The following COL28A1 variants were observed in gnomAD, a reference collection of about 807,000 sequenced individuals.
The protein encoded by COL28A1 is collagen alpha-1(XXVIII) chain.
Under a neutral mutation model 150.2 loss-of-function variants are expected in COL28A1, and 161 were observed. The ratio of observed to expected loss-of-function variants is 1.07; its 90% CI spans 0.94 to 1.22. The LOEUF (loss-of-function observed/expected upper bound fraction) is 1.22, where lower values mean the gene tolerates loss of function less well. COL28A1 is among the 50% of genes most tolerant of loss of function. The pLI is 0.00. For synonymous variants in COL28A1, 552 were observed against 469.7 expected (o/e 1.18, Z -2.26); for missense variants, 1,617 against 1,388.3 (o/e 1.16, Z -2.62).
chr7:7,516,328 C>A, intron 7 of COL28A1, among the ~76,000 whole-genome samples: 1 of 152,274 alleles, frequency 6.6e-6, no homozygotes, highest in South Asian at 2.1e-4. Flanking sequence ...CTTACAAATT[C>A]GGTCTAAGAT....
intron 19 of COL28A1, 114 bp downstream of exon 19, chr7:7,444,304 T>A: frequency 1.4e-6 from 2 of 1,427,890 alleles, no homozygotes; most frequent in Non-Finnish European, 1.9e-6. Context: ...TGAGATATTT[T>A]TTCTTAAAGA....
At chr7:7,455,893 T>G in intron 16 of COL28A1, 151 bp downstream of exon 16, 1 of 1,021,818 alleles carries the variant, frequency 9.8e-7, no homozygotes, top group Non-Finnish European at 1.3e-6. Flanking sequence ...GAAACCATCT[T>G]ATCCTTCCCT....
intron 27 of COL28A1, among the ~76,000 whole-genome samples, chr7:7,391,114 C>T (rs9648611): frequency 1.4e-4 from 22 of 152,090 alleles, no homozygotes; most frequent in Admixed American, 5.2e-4. Flanking sequence ...GTGGGCATTT[C>T]GTGCTATAAA....
intron 3 of COL28A1, among the ~76,000 whole-genome samples, chr7:7,529,447 G>A (rs1389792983): frequency 1.3e-5 from 2 of 152,158 alleles, no homozygotes; most frequent in Admixed American, 1.3e-4. Flanking sequence ...GTTTATTCAT[G>A]GAGCTTCCAT....
At chr7:7,515,304 C>A (rs925345002) in intron 8 of COL28A1, among the ~76,000 whole-genome samples, 2 of 152,138 alleles carry the variant, frequency 1.3e-5, no homozygotes, top group African/African-American at 4.8e-5. Flanking sequence ...ATCTACCAAC[C>A]CATACCTTTT....
chr7:7,507,298 G>T, intron 9 of COL28A1, 137 bp from the exon 10 acceptor site: 1 of 530,308 alleles, frequency 1.9e-6, no homozygotes, highest in African/African-American at 1.9e-5. Flanking sequence ...GCAATAAACT[G>T]AAATAATCCT....
chr7:7,400,390 C>T (rs900902653), intron 27 of COL28A1, among the ~76,000 whole-genome samples: 2 of 152,104 alleles, frequency 1.3e-5, no homozygotes, highest in African/African-American at 2.4e-5. Flanking sequence ...AAGATGGAAA[C>T]CCTTGGCTTT....
chr7:7,345,020 A>C, the COL28A1 span, among the ~76,000 whole-genome samples: 5,762 of 148,556 alleles, frequency 0.039, 388 homozygotes, highest in African/African-American at 0.14. Flanking sequence ...ACACACACAC[A>C]CACCCCTTTC....
chr7:7,427,999 G>C (rs1028221607), intron 25 of COL28A1, among the ~76,000 whole-genome samples: 1 of 152,226 alleles, frequency 6.6e-6, no homozygotes, highest in East Asian at 1.9e-4. Flanking sequence ...AACAAATGTA[G>C]TATCAAAAAT....
rs1781377591 is a variant in COL28A1, at chr7:7,515,697, A to G, written c.882+117T>C. On this transcript the variant is annotated intron_variant, in intron 8 of 34. Transcript: ENST00000399429. Reference sequence around the variant, plus strand: ...ATTATTTTATGTTAACTCAGGAATGAGGGAATCCAGACTTACAAAAATAAA... The same window carrying G: ...ATTATTTTATGTTAACTCAGGAATGGGGGAATCCAGACTTACAAAAATAAA... 6.9e-6 allele frequency: 5 copies of G among 723,498 alleles called. No homozygotes were observed. In the South Asian group the frequency reaches 7.8e-5, roughly 11 times the overall value. 44.8% of individuals were successfully genotyped at this position (723,498 alleles called of 1,614,324 possible). A position where few individuals can be genotyped will look rare whatever the true frequency, so the allele number is the denominator to read the frequency against.
chr7:7,416,372 G>A (rs1418221732), intron 27 of COL28A1, among the ~76,000 whole-genome samples: 2 of 152,188 alleles, frequency 1.3e-5, no homozygotes, highest in Non-Finnish European at 2.9e-5. Flanking sequence ...ACCCAGGTGA[G>A]AATGAGGAAG....
intron 4 of COL28A1, 187 bp from the exon 5 acceptor site, chr7:7,522,148 T>C (rs1164829834): frequency 3.1e-6 from 2 of 650,654 alleles, no homozygotes; most frequent in Admixed American, 2.1e-5. Context: ...CATTTATGGA[T>C]GTTTTGCTCT....
chr7:7,362,502 T>A (rs1780721531), intron 33 of COL28A1, among the ~76,000 whole-genome samples: 1 of 152,208 alleles, frequency 6.6e-6, no homozygotes, highest in South Asian at 2.1e-4. Context: ...ATTTTTTTTG[T>A]GTGTGCATGC....
At chr7:7,450,796 T>C (rs1375914292) in intron 18 of COL28A1, among the ~76,000 whole-genome samples, 2 of 152,070 alleles carry the variant, frequency 1.3e-5, no homozygotes, top group Non-Finnish European at 2.9e-5. Flanking sequence ...ATCATGAAGA[T>C]GAATAAATAT....
rs139691843 is a variant in COL28A1 at position 7,390,254 on chromosome 7, T to C, written c.2137-8642A>G. ...TTCTGCATCTATTGAGACAATCATGTGGTTTTTGTCATTGGTTCTGTTTAG... is the reference window on the plus strand; with the variant it reads ...TTCTGCATCTATTGAGACAATCATGCGGTTTTTGTCATTGGTTCTGTTTAG... On this transcript the variant is annotated intron_variant, in intron 27 of 34. Coordinates refer to ENST00000399429, the MANE Select transcript of COL28A1 (RefSeq NM_001037763.3). Among the ~76,000 whole-genome samples the C allele has an allele frequency of 8.0e-3, 1,221 of 152,298 alleles. 25 individuals carry two copies. The highest frequency in any genetic ancestry group is 0.028 in the African/African-American group (1,170 of 41,560).
rs12536940 is a variant in COL28A1 at position 7,375,317 on chromosome 7, C to A, written c.2359+144G>T. ...CACAGTCTCTCTTACTGCTTCCTTT[C>A]AGTTTCCATCGACTTTTCAAATGAG... On this transcript the variant is annotated intron_variant, in intron 31 of 34. Transcript: ENST00000399429. The A allele has an allele frequency of 6.0e-6, 4 of 667,970 alleles. No homozygotes were observed. In the Admixed American group the frequency reaches 1.1e-4, roughly 18 times the overall value. The allele number at this position is 667,970 out of a possible 1,614,324, so 41.4% of individuals were successfully genotyped here.
intron 27 of COL28A1, among the ~76,000 whole-genome samples, chr7:7,392,592 A>G (rs577727017): frequency 7.0e-6 from 1 of 142,078 alleles, no homozygotes; most frequent in East Asian, 2.1e-4. Context: ...TCCATTCTCA[A>G]TGTCACTTTC....
At chr7:7,348,511 T>C in the COL28A1 span, among the ~76,000 whole-genome samples, 3 of 152,094 alleles carry the variant, frequency 2.0e-5, no homozygotes, top group Non-Finnish European at 4.4e-5. Context: ...AAGATACTTT[T>C]AAAAACATTT....
intron 26 of COL28A1, among the ~76,000 whole-genome samples, chr7:7,418,945 G>T (rs1784250751): frequency 6.6e-6 from 1 of 152,076 alleles, no homozygotes; most frequent in Non-Finnish European, 1.5e-5. Context: ...TGGTAATTCT[G>T]GGATGCTCAG....
Sources: allele counts gnomAD v4.1 joint callset (sites outside exome capture counted in the v4.1 genomes callset), GRCh38; gene constraint gnomAD v4.1.1; transcripts MANE v1.5; gene names NCBI Gene and HGNC (gene_info 2026-07-23, HGNC 2026-07-21).